Variants in TSPAN9 observed in about 807,000 individuals in gnomAD.
TSPAN9 encodes tetraspanin-9.
In TSPAN9, 16 loss-of-function variants were observed where a neutral mutation model predicts 31.0. The observed-to-expected ratio is 0.52, with a 90% CI of 0.35 to 0.78. The LOEUF (loss-of-function observed/expected upper bound fraction) is 0.78. Ranked by LOEUF, TSPAN9 falls within the 30% of genes least tolerant of loss-of-function variation. TSPAN9 has a pLI of 0.01. For missense variants in TSPAN9, 272 were observed against 312.5 expected (o/e 0.87, Z 0.98); for synonymous variants, 145 against 121.6 (o/e 1.19, Z -1.27).
Position 3,263,490 on chromosome 12 carries a change from G to GC in TSPAN9, c.64-14930dup, listed in dbSNP as rs572311894. ...CCTCCATATGCTCTGGCCTGTATGA[G>GC]CAGGAGGGTCTGAAGGAGGTGGTGT... On this transcript the variant is annotated intron_variant, in intron 3 of 8. Transcript: ENST00000011898. Among the ~76,000 whole-genome samples, 863 of 152,360 alleles carry GC rather than the reference G, an allele frequency of 5.7e-3. 7 individuals are homozygous for GC. The highest frequency in any genetic ancestry group is 0.02 in the African/African-American group (825 of 41,584).
chr12:3,117,906 T>G (rs1344188989), intron 2 of TSPAN9, among the ~76,000 whole-genome samples: 2 of 152,052 alleles, frequency 1.3e-5, no homozygotes, highest in Non-Finnish European at 2.9e-5. Context: ...TCCTGGGACC[T>G]GCGGAGCTGT....
At chr12:3,246,858 G>A (rs1213534865) in intron 3 of TSPAN9, among the ~76,000 whole-genome samples, 1 of 152,212 alleles carries the variant, frequency 6.6e-6, no homozygotes, top group East Asian at 1.9e-4. Context: ...TCTCTGCTTT[G>A]TAGCCTCACT....
chr12:3,250,421 G>T (rs1862226605), intron 3 of TSPAN9, among the ~76,000 whole-genome samples: 1 of 152,202 alleles, frequency 6.6e-6, no homozygotes, highest in Non-Finnish European at 1.5e-5. Flanking sequence ...CCAGAATGGA[G>T]TTCATGCCTT....
intron 2 of TSPAN9, among the ~76,000 whole-genome samples, chr12:3,152,865 G>A (rs1298938087): frequency 1.1e-4 from 17 of 152,370 alleles, no homozygotes; most frequent in African/African-American, 3.6e-4. Context: ...TGAGATTACA[G>A]GTGTGAGCCA....
intron 2 of TSPAN9, among the ~76,000 whole-genome samples, chr12:3,109,299 T>TGTGTGTGTGTGTGAGAGAGA (rs1274383200): frequency 3.6e-4 from 43 of 118,346 alleles, no homozygotes; most frequent in African/African-American, 1.8e-3. Context: ...TGTGTGTGTG[T>TGTGTGTGTGTGTGAGAGAGA]GAGAGAGAGT....
At chr12:3,256,540 G>A (rs938167607) in intron 3 of TSPAN9, among the ~76,000 whole-genome samples, 1 of 152,232 alleles carries the variant, frequency 6.6e-6, no homozygotes, top group Admixed American at 6.5e-5. Context: ...TAGCGTAATC[G>A]TCGATTTCGG....
intron 2 of TSPAN9, among the ~76,000 whole-genome samples, chr12:3,092,283 A>G (rs1363829167): frequency 6.6e-6 from 1 of 152,100 alleles, no homozygotes; most frequent in Admixed American, 6.6e-5. Context: ...GGCTGTGAGG[A>G]TGGATTCAAG....
At chr12:3,086,666 T>C (rs766643785) in intron 2 of TSPAN9, among the ~76,000 whole-genome samples, 5 of 152,228 alleles carry the variant, frequency 3.3e-5, no homozygotes, top group Non-Finnish European at 7.3e-5. Context: ...GAGGGTCTTG[T>C]GGCCTTTGGG....
intron 2 of TSPAN9, among the ~76,000 whole-genome samples, chr12:3,118,250 C>G (rs375230096): frequency 5.9e-4 from 39 of 66,540 alleles, no homozygotes; most frequent in African/African-American, 1.6e-3. Flanking sequence ...CGCCCCTGCA[C>G]CCGCCGTTTT....
intron 2 of TSPAN9, among the ~76,000 whole-genome samples, chr12:3,184,149 G>A (rs979076379): frequency 6.6e-6 from 1 of 152,112 alleles, no homozygotes; most frequent in African/African-American, 2.4e-5. Context: ...CAGCACTTTG[G>A]GGGGCCGAGG....
chr12:3,079,944 A>ATTTT (rs1365173743), intron 1 of TSPAN9, among the ~76,000 whole-genome samples: 2 of 130,126 alleles, frequency 1.5e-5, no homozygotes, highest in Non-Finnish European at 3.5e-5. Flanking sequence ...TAATTAAAAA[A>ATTTT]ATTTTTTTTT....
chr12:3,093,333 C>G (rs1234686771), intron 2 of TSPAN9, among the ~76,000 whole-genome samples: 1 of 152,090 alleles, frequency 6.6e-6, no homozygotes, highest in Non-Finnish European at 1.5e-5. Context: ...TGAGTGTGAG[C>G]CCCCCATCCT....
At chr12:3,109,081 A>T (rs368475786) in intron 2 of TSPAN9, among the ~76,000 whole-genome samples, 1 of 151,578 alleles carries the variant, frequency 6.6e-6, no homozygotes. Context: ...GACTACAGGC[A>T]CTCGCCACCA....
intron 3 of TSPAN9, among the ~76,000 whole-genome samples, chr12:3,225,125 GT>G (rs2098386509): frequency 6.6e-6 from 1 of 152,184 alleles, no homozygotes; most frequent in Non-Finnish European, 1.5e-5. Flanking sequence ...GCACCCTGTG[GT>G]CCGAGCTGGG....
At chr12:3,115,437 G>T (rs2098321779) in intron 2 of TSPAN9, among the ~76,000 whole-genome samples, 2 of 152,126 alleles carry the variant, frequency 1.3e-5, no homozygotes, top group South Asian at 4.1e-4. Context: ...AGTTCTCTTG[G>T]GCAAATACCT....
intron 2 of TSPAN9, among the ~76,000 whole-genome samples, chr12:3,130,065 C>T (rs987573970): frequency 2.6e-5 from 4 of 152,208 alleles, no homozygotes; most frequent in Non-Finnish European, 5.9e-5. Context: ...GGTCTCTGGG[C>T]GGCTGTACCG....
chr12:3,087,149 G>A lies in TSPAN9; in HGVS notation c.-18+3430G>A, dbSNP rs537551553. On this transcript the variant is annotated intron_variant, in intron 2 of 8. Transcript: ENST00000011898. ...CTTGCCTTACATGTGTGTTGGGTGT[G>A]CTTGCATGGGTTTGTGTGGGAGGGC... is the stretch of plus-strand genomic sequence containing the variant. Among the ~76,000 whole-genome samples the A allele has an allele frequency of 8.5e-5, 13 of 152,300 alleles. No homozygotes were observed. The South Asian group carries it at 2.5e-3, about 29-fold the overall frequency.
chr12:3,174,735 ACCG>A (rs1225658497), intron 2 of TSPAN9, among the ~76,000 whole-genome samples: 1 of 141,702 alleles, frequency 7.1e-6, no homozygotes, highest in Non-Finnish European at 1.6e-5. Flanking sequence ...GGCGCCCACC[ACCG>A]CGCCCGGCTA....
chr12:3,276,208 G>T (rs1469300194), intron 3 of TSPAN9, among the ~76,000 whole-genome samples: 1 of 152,208 alleles, frequency 6.6e-6, no homozygotes, highest in Admixed American at 6.5e-5. Context: ...CAGCCTCCCA[G>T]TTGCTCTCCT....
Sources: gnomAD v4.1 joint callset for allele counts (sites outside exome capture counted in the v4.1 genomes callset) on GRCh38, gnomAD v4.1.1 for gene constraint, MANE v1.5 for transcripts, NCBI Gene and HGNC (gene_info 2026-07-23, HGNC 2026-07-21) for gene names.